Variants in RPS6KC1 observed in about 807,000 individuals in gnomAD.
The protein encoded by RPS6KC1 is inactive ribosomal protein S6 kinase delta-1.
In RPS6KC1, 54 loss-of-function variants were observed where a neutral mutation model predicts 103.8. The observed-to-expected ratio is 0.52, with a 90% confidence interval of 0.42 to 0.65. The LOEUF (loss-of-function observed/expected upper bound fraction) is 0.65. Among genes scored for constraint, RPS6KC1 ranks in the 30% least tolerant of loss-of-function variants. The probability of loss-of-function intolerance (pLI) is 0.00; values close to 1 mark genes in which losing one functional copy is unlikely to be tolerated. For missense variants in RPS6KC1, 1,151 were observed against 1,253.8 expected (o/e 0.92, Z 1.24); for synonymous variants, 439 against 438.7 (o/e 1.00, Z -0.01).
At chr1:213,117,125 G>T (rs889116613) in intron 4 of RPS6KC1, among the ~76,000 whole-genome samples, 192 bp from the exon 5 acceptor site, 1 of 152,002 alleles carries the variant, frequency 6.6e-6, no homozygotes, top group Non-Finnish European at 1.5e-5. Context: ...TCTTGGGTTG[G>T]TGTAGTACGT....
chr1:213,265,851 G>C (rs2094899503), intron 14 of RPS6KC1, among the ~76,000 whole-genome samples: 1 of 152,198 alleles, frequency 6.6e-6, no homozygotes, highest in South Asian at 2.1e-4. Flanking sequence ...TTGTGAGGCA[G>C]TGTAATGTTG....
the RPS6KC1 span, among the ~76,000 whole-genome samples, chr1:213,290,597 T>TTTG: frequency 0.023 from 3,448 of 152,034 alleles, 51 homozygotes; most frequent in Non-Finnish European, 0.026. Flanking sequence ...TCCTAGGGCT[T>TTTG]TTGTTGTTGT....
At chr1:213,602,120 C>CTTTCTTTCTCTCTTTCTTTCTTTCTT in the RPS6KC1 span, among the ~76,000 whole-genome samples, 1 of 5,154 alleles carries the variant, frequency 1.9e-4, no homozygotes, top group African/African-American at 6.7e-4. Context: ...TTCTTTCTTT[C>CTTTCTTTCTCTCTTTCTTTCTTTCTT]TCTTTCTTTC....
At chr1:213,676,305 A>G in the RPS6KC1 span, among the ~76,000 whole-genome samples, 1 of 152,186 alleles carries the variant, frequency 6.6e-6, no homozygotes, top group African/African-American at 2.4e-5. Flanking sequence ...CCCAGCTAGT[A>G]GAGCCCTTGG....
chr1:213,594,834 CAG>C, the RPS6KC1 span, among the ~76,000 whole-genome samples: 1 of 152,080 alleles, frequency 6.6e-6, no homozygotes, highest in Non-Finnish European at 1.5e-5. Flanking sequence ...CACTGGGAGA[CAG>C]AGACAGTGCC....
chr1:213,699,048 A>G, the RPS6KC1 span, among the ~76,000 whole-genome samples: 1 of 152,170 alleles, frequency 6.6e-6, no homozygotes, highest in Non-Finnish European at 1.5e-5. Context: ...CCTTTGTATT[A>G]CAAACAGTCC....
chr1:213,463,577 C>A, the RPS6KC1 span, among the ~76,000 whole-genome samples: 2 of 152,224 alleles, frequency 1.3e-5, no homozygotes, highest in Admixed American at 6.5e-5. Context: ...ACCTGTATCT[C>A]AATATCTCCC....
the RPS6KC1 span, among the ~76,000 whole-genome samples, chr1:213,714,024 G>A: frequency 1.3e-5 from 2 of 152,178 alleles, no homozygotes; most frequent in African/African-American, 4.8e-5. Flanking sequence ...TACTCTGTCT[G>A]CCTTGGCAGA....
chr1:213,351,176 G>C, the RPS6KC1 span, among the ~76,000 whole-genome samples: 1 of 152,114 alleles, frequency 6.6e-6, no homozygotes, highest in Non-Finnish European at 1.5e-5. Context: ...TCAATTCTTA[G>C]ATGTCAAATT....
At chr1:213,664,216 G>A in the RPS6KC1 span, among the ~76,000 whole-genome samples, 1 of 150,504 alleles carries the variant, frequency 6.6e-6, no homozygotes, top group African/African-American at 2.4e-5. Flanking sequence ...GGGGAGGGGA[G>A]CGCTCTGAGA....
chr1:213,515,796 A>G, the RPS6KC1 span, among the ~76,000 whole-genome samples: 3 of 152,170 alleles, frequency 2.0e-5, no homozygotes, highest in African/African-American at 7.2e-5. Context: ...TGGGGATAGC[A>G]TTGAATCCAA....
At chr1:213,629,861 A>G in the RPS6KC1 span, among the ~76,000 whole-genome samples, 2 of 152,156 alleles carry the variant, frequency 1.3e-5, no homozygotes, top group Non-Finnish European at 2.9e-5. Flanking sequence ...TTGGCTGGAT[A>G]TGAAATTCTG....
In RPS6KC1 at chr1:213,240,803, C is replaced by G. The variant is rs1273584592; in HGVS notation, c.1327C>G (p.Leu443Val). Reference sequence around the variant, plus strand: ...AAAACCTACACTTGCAAAAGTTCACCTGCAGCAGCCAACTTCTAGTCCTCA... The same window carrying G: ...AAAACCTACACTTGCAAAAGTTCACGTGCAGCAGCCAACTTCTAGTCCTCA... ...VKKPTLAKVHLQQPTSSPQDS... is the reference protein window; with the variant it reads ...VKKPTLAKVHVQQPTSSPQDS... Residue 443 changes from leucine (L) to valine (V), a missense_variant, in exon 11 of 15, where the codon CTG becomes GTG. Physicochemically the swap from Leu to Val is conservative, Grantham distance 32. This residue lies in a region of RPS6KC1 where 959 missense variants were observed against 1,006.3 expected (regional missense o/e 0.95). Coordinates refer to ENST00000366960, the MANE Select transcript of RPS6KC1 (RefSeq NM_012424.6). 1 of 1,613,740 alleles carries G rather than the reference C, an allele frequency of 6.2e-7. No homozygotes were observed. The highest frequency in any genetic ancestry group is 8.5e-7 in the Non-Finnish European group (1 of 1,179,884).
chr1:213,664,153 TG>T, the RPS6KC1 span, among the ~76,000 whole-genome samples: 4 of 58,928 alleles, frequency 6.8e-5, no homozygotes, highest in African/African-American at 3.0e-4. Flanking sequence ...CTGGGTGATG[TG>T]GGGAGAGGCA....
At chr1:213,352,124 T>C in the RPS6KC1 span, among the ~76,000 whole-genome samples, 6 of 152,200 alleles carry the variant, frequency 3.9e-5, no homozygotes, top group Non-Finnish European at 8.8e-5. Context: ...TCAGTATCAG[T>C]GTCTTCATTT....
chr1:213,691,971 C>G, the RPS6KC1 span, among the ~76,000 whole-genome samples: 2 of 152,196 alleles, frequency 1.3e-5, no homozygotes, highest in Non-Finnish European at 2.9e-5. Context: ...GAGGCCCTAG[C>G]GCTAGCGGTG....
At chr1:213,749,911 G>A in the RPS6KC1 span, among the ~76,000 whole-genome samples, 4 of 152,268 alleles carry the variant, frequency 2.6e-5, no homozygotes, top group South Asian at 4.1e-4. Flanking sequence ...GAAGGTTAGC[G>A]GGGAACATCC....
At chr1:213,785,066 T>C in the RPS6KC1 span, among the ~76,000 whole-genome samples, 1 of 152,218 alleles carries the variant, frequency 6.6e-6, no homozygotes, top group Admixed American at 6.5e-5. Context: ...GTGTCATCAC[T>C]TTGAAATAAG....
At chr1:213,663,853 C>T in the RPS6KC1 span, among the ~76,000 whole-genome samples, 3 of 152,166 alleles carry the variant, frequency 2.0e-5, no homozygotes, top group Admixed American at 2.0e-4. Context: ...AGCCAGGCAT[C>T]CCTCCTTCCC....
Sources: allele counts gnomAD v4.1 joint callset (sites outside exome capture counted in the v4.1 genomes callset), GRCh38; gene constraint gnomAD v4.1.1; regional missense constraint gnomAD v4.1.1; transcripts MANE v1.5; gene names NCBI Gene and HGNC (gene_info 2026-07-23, HGNC 2026-07-21).